LCN10: variants seen among roughly 807,000 people sequenced by gnomAD.
LCN10 encodes the protein epididymal-specific lipocalin-10.
Under a neutral mutation model 25.1 loss-of-function variants are expected in LCN10, and 18 were observed. The ratio of observed to expected loss-of-function variants is 0.72; its 90% CI spans 0.50 to 1.06. The LOEUF is 1.06. Ranked by LOEUF, LCN10 falls within the 50% of genes least tolerant of loss-of-function variation. LCN10 has a pLI of 0.00. For synonymous variants in LCN10, 130 were observed against 116.7 expected, an observed-to-expected ratio of 1.11 and a Z score of -0.73; for missense variants, 257 against 258.9, an observed-to-expected ratio of 0.99 and a Z score of 0.05.
chr9:136,741,847 G>A (rs377679298), intron 2 of LCN10, 34 bp downstream of exon 2: 30 of 1,576,542 alleles, frequency 1.9e-5, no homozygotes, highest in South Asian at 2.3e-5. Context: ...TCCTGGAAGG[G>A]GAGACCCTTG....
Position 136,738,174 on chromosome 9 carries a change from T to C in LCN10, c.*1351A>G, listed in dbSNP as rs1032118765. The C allele has an allele frequency of 6.6e-6, 1 of 152,182 alleles. No homozygotes were observed. Among genetic ancestry groups the C allele is most frequent in the African/African-American group, 2.4e-5 (1 of 41,430 alleles). 9.4% of individuals were successfully genotyped at this position (152,182 alleles called of 1,614,324 possible). A position where few individuals can be genotyped will look rare whatever the true frequency, so the allele number is the denominator to read the frequency against. ...GTTGCCCGGGCTCCAAACTACTTTT[T>C]TGCACACAGGAGAGCTTTATTTCTC... On this transcript the variant is annotated 3_prime_UTR_variant, in exon 6 of 6. Coordinates refer to ENST00000497771, the MANE Select transcript of LCN10 (RefSeq NM_001001712.3).
At position 136,740,541 on chromosome 9, in the gene LCN10, G is replaced by A. The variant is rs562166319; in HGVS notation, c.475+295C>T. 2.6e-5 allele frequency: 13 copies of A among 494,936 alleles called. No homozygotes were observed. In the East Asian group the frequency reaches 4.2e-4, roughly 16 times the overall value. 30.7% of individuals were successfully genotyped at this position (494,936 alleles called of 1,614,324 possible). Reference sequence around the variant, plus strand: ...TCCCACGCCTCCTCATCCCCACTGTGTCCCTCACCCAGAACGTTGCACCTG... The same window carrying A: ...TCCCACGCCTCCTCATCCCCACTGTATCCCTCACCCAGAACGTTGCACCTG... On this transcript the variant is annotated intron_variant, in intron 4 of 5. Coordinates refer to ENST00000497771, the MANE Select transcript of LCN10 (RefSeq NM_001001712.3). The surrounding 1 kb of genome is among the most constrained non-coding windows in gnomAD (Gnocchi z 5.3).
chr9:136,742,669 GC>G, intron 1 of LCN10, 117 bp downstream of exon 1: 1 of 1,277,226 alleles, frequency 7.8e-7, no homozygotes, highest in South Asian at 1.5e-5. Flanking sequence ...GGTGGGCAGC[GC>G]CCGTGCCTGG....
In LCN10 at chr9:136,742,771, G is replaced by T. The variant is rs1195000612; in HGVS notation, c.117+16C>A. On this transcript the variant is annotated intron_variant, in intron 1 of 5. Coordinates refer to ENST00000497771, the MANE Select transcript of LCN10 (RefSeq NM_001001712.3). ...GAGCCGGCGCCCGGCTCAGGGACCA[G>T]TGGCACATGGCTCACCTTGTTCCAG... The T allele has an allele frequency of 4.3e-6, 7 of 1,612,822 alleles. No homozygotes were observed. In the African/African-American group the frequency reaches 5.3e-5, roughly 12 times the overall value.
Position 136,740,569 on chromosome 9 carries a change from C to G in LCN10, c.475+267G>C, listed in dbSNP as rs1486780791. 14 of 530,724 alleles carry G rather than the reference C, an allele frequency of 2.6e-5. No homozygotes were observed. The East Asian group carries it at 3.6e-4, about 14-fold the overall frequency. 32.9% of individuals were successfully genotyped at this position (530,724 alleles called of 1,614,324 possible). On this transcript the variant is annotated intron_variant, in intron 4 of 5. Coordinates refer to ENST00000497771, the MANE Select transcript of LCN10 (RefSeq NM_001001712.3). The surrounding 1 kb of genome is among the most constrained non-coding windows in gnomAD (Gnocchi z 5.3). ...CCTCACCCAGAACGTTGCACCTGCACCCGCCACCATCCTGGTGGCCTCCGC... is the reference window on the plus strand; with the variant it reads ...CCTCACCCAGAACGTTGCACCTGCAGCCGCCACCATCCTGGTGGCCTCCGC...
chr9:136,742,782 C>A lies in LCN10; in HGVS notation c.117+5G>T. The A allele has an allele frequency of 6.2e-7, 1 of 1,613,184 alleles. No individual in the cohort carries two copies. Among genetic ancestry groups the A allele is most frequent in the South Asian group, 1.1e-5 (1 of 91,070 alleles). ...CGGCTCAGGGACCAGTGGCACATGGCTCACCTTGTTCCAGTTGAGGGCGTG... is the reference window on the plus strand; with the variant it reads ...CGGCTCAGGGACCAGTGGCACATGGATCACCTTGTTCCAGTTGAGGGCGTG... On this transcript the variant is annotated splice_donor_5th_base_variant and intron_variant, in intron 1 of 5. Coordinates refer to ENST00000497771, the MANE Select transcript of LCN10 (RefSeq NM_001001712.3).
intron 1 of LCN10, 37 bp downstream of exon 1, chr9:136,742,750 C>T (rs780437925): frequency 2.1e-5 from 34 of 1,609,164 alleles, no homozygotes; most frequent in Non-Finnish European, 2.6e-5. Flanking sequence ...GCTCCAGAGC[C>T]GGCGCCCGGC....
Position 136,739,388 on chromosome 9 carries a change from T to A in LCN10, c.*137A>T. On this transcript the variant is annotated 3_prime_UTR_variant, in exon 6 of 6. Transcript: ENST00000497771. This position sits in a 1 kb window ranked among gnomAD's most constrained non-coding sequence, Gnocchi z 6.1. ...ATCATAAAGGATCCCTTGAGCCACT[T>A]GATTTTCACACTGTCAATGACCTAG... The A allele has an allele frequency of 1.1e-6, 1 of 890,504 alleles. No individual in the cohort carries two copies. The highest frequency in any genetic ancestry group is 1.5e-5 in the South Asian group (1 of 65,160). The allele number at this position is 890,504 out of a possible 1,614,324, so 55.2% of individuals were successfully genotyped here. A position where few individuals can be genotyped will look rare whatever the true frequency, so the allele number is the denominator to read the frequency against.
chr9:136,741,825 G>A, intron 2 of LCN10, 56 bp downstream of exon 2: 3 of 1,541,588 alleles, frequency 1.9e-6, no homozygotes, highest in Non-Finnish European at 2.6e-6. Context: ...CAGCCCCGAG[G>A]CAGCTCCCTC....
rs1846971631 is a variant in LCN10 at position 136,742,867 on chromosome 9, C to A, written c.37G>T (p.Val13Leu). Residue 13 changes from valine (V) to leucine (L), a missense_variant, in exon 1 of 6, where the codon GTG becomes TTG. Physicochemically the swap from Val to Leu is conservative, Grantham distance 32. Transcript: ENST00000497771. ...QGLLVLALVL[V>L]LVLVLAAGSQ... The stretch of plus-strand genomic sequence containing the variant: ...CCTGCAGCCAGCACTAGCACCAGCA[C>A]CAGCACCAGCGCCAGCACCAGCAGC... 6.2e-7 allele frequency: 1 copy of A among 1,613,420 alleles called. No homozygotes were observed.
chr9:136,738,978 G>A lies in LCN10; in HGVS notation c.*547C>T, dbSNP rs925385280. 3.9e-5 allele frequency: 7 copies of A among 178,096 alleles called. No homozygotes were observed. Among genetic ancestry groups the A allele is most frequent in the Non-Finnish European group, 7.2e-5 (6 of 83,672 alleles). The allele number at this position is 178,096 out of a possible 1,614,324, so 11.0% of individuals were successfully genotyped here. A position where few individuals can be genotyped will look rare whatever the true frequency, so the allele number is the denominator to read the frequency against. ...CAGGTGATCTAGGGTCTATACTCGAGTATCCAGGTGACCACACTGCTGAAG... is the reference window on the plus strand; with the variant it reads ...CAGGTGATCTAGGGTCTATACTCGAATATCCAGGTGACCACACTGCTGAAG... On this transcript the variant is annotated 3_prime_UTR_variant, in exon 6 of 6. Transcript: ENST00000497771.
At position 136,741,277 on chromosome 9, in the gene LCN10, C is replaced by T. The variant is rs199856415; in HGVS notation, c.342G>A (p.Ala114=). 1.5e-5 allele frequency: 25 copies of T among 1,613,464 alleles called. No homozygotes were observed. The highest frequency in any genetic ancestry group is 9.3e-5 in the African/African-American group (7 of 74,946). ...PVFGNACAYA[A]GPREGQEGVK... is the part of the protein sequence containing the mutation. Reference sequence around the variant, plus strand: ...CTCCCTCCTGTCCTTCCCTCGGGCCCGCCGCGTATGCACAGGCGTTCCCAA... The same window carrying T: ...CTCCCTCCTGTCCTTCCCTCGGGCCTGCCGCGTATGCACAGGCGTTCCCAA... The change falls in exon 3 of 6, where the codon GCG becomes GCA. Residue 114 remains alanine, a synonymous_variant. Coordinates refer to ENST00000497771, the MANE Select transcript of LCN10 (RefSeq NM_001001712.3).
At position 136,740,764 on chromosome 9, in the gene LCN10, G is replaced by T; in HGVS notation, c.475+72C>A. On this transcript the variant is annotated intron_variant, in intron 4 of 5. Coordinates refer to ENST00000497771, the MANE Select transcript of LCN10 (RefSeq NM_001001712.3). The surrounding 1 kb of genome is among the most constrained non-coding windows in gnomAD (Gnocchi z 5.3). ...CGCCTCACCTCCTGCCCGGCCCCCT[G>T]TGCCCAGCGCCCCTCTATGCCTCCC... 2 of 1,215,842 alleles carry T rather than the reference G, an allele frequency of 1.6e-6. No individual in the cohort carries two copies. The highest frequency in any genetic ancestry group is 1.1e-6 in the Non-Finnish European group (1 of 871,404). 75.3% of individuals were successfully genotyped at this position (1,215,842 alleles called of 1,614,324 possible).
chr9:136,739,524 C>T lies in LCN10; in HGVS notation c.*1G>A. On this transcript the variant is annotated 3_prime_UTR_variant, in exon 6 of 6. Transcript: ENST00000497771. The surrounding 1 kb of genome is among the most constrained non-coding windows in gnomAD (Gnocchi z 6.1). ...AAGGGAAGAGCAGAGGACGCTGGCT[C>T]TCATGGCAGGATGGTGTGTGTACGG... is the stretch of plus-strand genomic sequence containing the variant. The T allele has an allele frequency of 3.1e-6, 5 of 1,600,794 alleles. No homozygotes were observed. Among genetic ancestry groups the T allele is most frequent in the African/African-American group, 2.7e-5 (2 of 74,824 alleles).
intron 2 of LCN10, 128 bp downstream of exon 2, chr9:136,741,753 G>A: frequency 2.3e-6 from 3 of 1,279,578 alleles, no homozygotes; most frequent in South Asian, 1.5e-5. Context: ...TTTAGGGGGA[G>A]GAAGTGGGGG....
At chr9:136,742,066 C>T (rs1345702468) in intron 1 of LCN10, 46 bp from the exon 2 acceptor site, 2 of 1,605,380 alleles carry the variant, frequency 1.2e-6, no homozygotes, top group Non-Finnish European at 1.7e-6. Flanking sequence ...CCACCGGGGG[C>T]TGTCCCCACC....
At position 136,740,993 on chromosome 9, in the gene LCN10, T is replaced by A; in HGVS notation, c.368-50A>T. ...CGCTGGTTCCCGGATGGCGTGGCTG[T>A]GCCCGCCCACAGCCCTGACCCCTGG... On this transcript the variant is annotated intron_variant, in intron 3 of 5. Transcript: ENST00000497771. This position sits in a 1 kb window ranked among gnomAD's most constrained non-coding sequence, Gnocchi z 5.3. 3 of 1,493,830 alleles carry A rather than the reference T, an allele frequency of 2.0e-6. No individual in the cohort carries two copies. The highest frequency in any genetic ancestry group is 1.4e-5 in the African/African-American group (1 of 72,568). The allele number at this position is 1,493,830 out of a possible 1,614,324, so 92.5% of individuals were successfully genotyped here. A position where few individuals can be genotyped will look rare whatever the true frequency, so the allele number is the denominator to read the frequency against.
Position 136,739,900 on chromosome 9 carries a change from G to T in LCN10, c.574+50C>A. On this transcript the variant is annotated intron_variant, in intron 5 of 5. Transcript: ENST00000497771. This position sits in a 1 kb window ranked among gnomAD's most constrained non-coding sequence, Gnocchi z 6.1. ...TCCCCCAATGAATCAGCTCCCCAAT[G>T]GGACGGGCAGGTAGGGCCAGGAGGG... is the stretch of plus-strand genomic sequence containing the variant. 1 of 1,369,922 alleles carries T rather than the reference G, an allele frequency of 7.3e-7. No homozygotes were observed. Among genetic ancestry groups the T allele is most frequent in the Non-Finnish European group, 1.0e-6 (1 of 980,184 alleles). 84.9% of individuals were successfully genotyped at this position (1,369,922 alleles called of 1,614,324 possible).
chr9:136,741,343 G>A lies in LCN10; in HGVS notation c.276C>T (p.Ser92=), dbSNP rs2131070126. 1 of 1,612,390 alleles carries A rather than the reference G, an allele frequency of 6.2e-7. No homozygotes were observed. The highest frequency in any genetic ancestry group is 8.5e-7 in the Non-Finnish European group (1 of 1,179,690). The change falls in exon 3 of 6, where the codon TCC becomes TCT. Residue 92 remains serine (S), a synonymous_variant. Transcript: ENST00000497771. ...LAFRRLKGCQ[S]QEVILRKDGK... is the part of the protein sequence containing the mutation. The stretch of plus-strand genomic sequence containing the variant: ...CGTCTTTCCTCAGGATCACCTCCTG[G>A]GACTGGCACCCCTTCAACCTGGGGC...
Sources: gnomAD v4.1 joint callset for allele counts on GRCh38, gnomAD v4.1.1 for gene constraint, Gnocchi (gnomAD v3.1) non-coding constraint, MANE v1.5 for transcripts, NCBI Gene and HGNC (gene_info 2026-07-23, HGNC 2026-07-21) for gene names.